Variants in DNAAF9 observed in about 807,000 individuals in gnomAD.
The protein encoded by DNAAF9 is shulin.
In DNAAF9, 90 loss-of-function variants were observed where a neutral mutation model predicts 167.0. That is an observed-to-expected ratio of 0.54 (90% CI 0.45 to 0.64). The LOEUF is 0.64. Among genes scored for constraint, DNAAF9 ranks in the 30% least tolerant of loss-of-function variants. DNAAF9 has a pLI of 0.00. For synonymous variants in DNAAF9, 491 were observed against 508.8 expected, an observed-to-expected ratio of 0.96 and a Z score of 0.47; for missense variants, 1,315 against 1,442.2, an observed-to-expected ratio of 0.91 and a Z score of 1.43.
At chr20:3,265,791 C>A (rs909565171) in intron 30 of DNAAF9, among the ~76,000 whole-genome samples, 2 of 151,128 alleles carry the variant, frequency 1.3e-5, no homozygotes, top group Non-Finnish European at 2.9e-5. Context: ...GATTCTCCTG[C>A]CTCAGCCTCC....
At chr20:3,330,517 CA>C (rs1397486486) in intron 12 of DNAAF9, 128 bp downstream of exon 12, 4 of 641,308 alleles carry the variant, frequency 6.2e-6, no homozygotes, top group Non-Finnish European at 1.1e-5. Context: ...GTTGGGATTA[CA>C]GTGTGCGCCA....
intron 10 of DNAAF9, among the ~76,000 whole-genome samples, chr20:3,339,606 A>G (rs1468193681): frequency 6.6e-6 from 1 of 152,094 alleles, no homozygotes; most frequent in Non-Finnish European, 1.5e-5. Flanking sequence ...TATATTGTAG[A>G]CCTCTGCTAA....
intron 10 of DNAAF9, among the ~76,000 whole-genome samples, chr20:3,337,419 A>G (rs1055651258): frequency 7.1e-6 from 1 of 140,412 alleles, no homozygotes; most frequent in African/African-American, 2.6e-5. Flanking sequence ...ATGTGCCACC[A>G]CGCCCAGGTT....
At position 3,256,107 on chromosome 20, in the gene DNAAF9, A is replaced by G; in HGVS notation, c.3160T>C (p.Ser1054Pro). Residue 1054 changes from serine to proline, a missense_variant, in exon 34 of 37, where the codon TCT (serine) becomes CCT (proline). Physicochemically the swap from Ser to Pro is moderately conservative, Grantham distance 74. Transcript: ENST00000252032. ...TCCTGCTGCCCGCTGCTGTCTTGAG[A>G]TACGCTTTTGGAGTCTGGTGGTGGT... ...PTPPPDSKSV[S>P]QDSSGQQECY... 6.2e-7 allele frequency: 1 copy of G among 1,614,140 alleles called. No individual in the cohort carries two copies. The highest frequency in any genetic ancestry group is 1.1e-5 in the South Asian group (1 of 91,072).
At chr20:3,387,870 G>A (rs2083768151) in intron 1 of DNAAF9, among the ~76,000 whole-genome samples, 1 of 113,646 alleles carries the variant, frequency 8.8e-6, no homozygotes, top group Non-Finnish European at 1.7e-5. Context: ...GGGAGACCCT[G>A]TCTCTACAAA....
Position 3,298,122 on chromosome 20 carries a change from A to G in DNAAF9, c.1836T>C (p.Leu612=). ...CATGGAAATGAACTGGGAGGTGAGG[A>G]AGCAATGAGCTTTTGAAGTCTATGA... is the stretch of plus-strand genomic sequence containing the variant. The part of the protein sequence containing the change: ...ALLIDFKSSL[L]PHLPVHFHGS... The change falls in exon 22 of 37, where the codon CTT becomes CTC. Residue 612 remains leucine, a synonymous_variant. Coordinates refer to ENST00000252032, the MANE Select transcript of DNAAF9 (RefSeq NM_001009984.3). 6.2e-7 allele frequency: 1 copy of G among 1,613,206 alleles called. No homozygotes were observed. The highest frequency in any genetic ancestry group is 8.5e-7 in the Non-Finnish European group (1 of 1,179,148).
rs79044136 is a variant in DNAAF9 at position 3,380,453 on chromosome 20, T to C, written c.283+926A>G. Among the ~76,000 whole-genome samples the C allele has an allele frequency of 9.0e-3, 1,375 of 152,314 alleles. 19 individuals carry two copies. Among genetic ancestry groups the C allele is most frequent in the African/African-American group, 0.032 (1,319 of 41,570 alleles). On this transcript the variant is annotated intron_variant, in intron 3 of 36. Transcript: ENST00000252032. The stretch of plus-strand genomic sequence containing the variant: ...CGGCACTACTGACAGTTTAGATCAG[T>C]GAATTCCTTGTTCTAGGTGACTGTT...
chr20:3,381,260 C>A lies in DNAAF9; in HGVS notation c.283+119G>T, dbSNP rs1600896133. The A allele has an allele frequency of 7.5e-6, 6 of 801,906 alleles. No homozygotes were observed. In the South Asian group the frequency reaches 1.5e-4, roughly 19 times the overall value. 49.7% of individuals were successfully genotyped at this position (801,906 alleles called of 1,614,324 possible). On this transcript the variant is annotated intron_variant, in intron 3 of 36. Coordinates refer to ENST00000252032, the MANE Select transcript of DNAAF9 (RefSeq NM_001009984.3). Reference sequence around the variant, plus strand: ...TTTTTTTCATTCTTTAAAAAGCAAACGTTTACTGGGGCTTTGGACTATTTT... The same window carrying A: ...TTTTTTTCATTCTTTAAAAAGCAAAAGTTTACTGGGGCTTTGGACTATTTT...
At chr20:3,270,706 C>A (rs1292396690) in intron 29 of DNAAF9, 144 bp from the exon 30 acceptor site, 8 of 631,982 alleles carry the variant, frequency 1.3e-5, no homozygotes, top group Non-Finnish European at 2.2e-5. Context: ...CCAATACCAA[C>A]ATAAACAGCT....
In DNAAF9 at chr20:3,259,548, T is replaced by C. The variant is rs1366894870; in HGVS notation, c.2987A>G (p.Gln996Arg). The change falls in exon 33 of 37, where the codon CAG becomes CGG. Residue 996 changes from glutamine to arginine, a missense_variant. Physicochemically the swap from Gln to Arg is conservative, Grantham distance 43 (BLOSUM62 1). This residue lies in a region of DNAAF9 where 334 missense variants were observed against 429.7 expected (regional missense o/e 0.78). Transcript: ENST00000252032. ...TRFVAKCKAI[Q>R]SSIKPSPFSG... is the part of the protein sequence containing the mutation. ...GAAGGGACTTGGCTTGATGGAGGACTGAATTGCTGGTGGAAGAAGAGGACA... is the reference window on the plus strand; with the variant it reads ...GAAGGGACTTGGCTTGATGGAGGACCGAATTGCTGGTGGAAGAAGAGGACA... The C allele has an allele frequency of 6.2e-7, 1 of 1,610,078 alleles. No individual in the cohort carries two copies. Among genetic ancestry groups the C allele is most frequent in the African/African-American group, 1.3e-5 (1 of 74,946 alleles).
intron 3 of DNAAF9, among the ~76,000 whole-genome samples, chr20:3,378,840 G>T (rs960161847): frequency 3.4e-5 from 5 of 147,648 alleles, no homozygotes; most frequent in Non-Finnish European, 7.6e-5. Context: ...AAACTCCATG[G>T]GTCTGACCTT....
chr20:3,381,606 A>G (rs2083655014), intron 2 of DNAAF9, 108 bp from the exon 3 acceptor site: 4 of 1,117,916 alleles, frequency 3.6e-6, no homozygotes, highest in Non-Finnish European at 5.0e-6. Flanking sequence ...TGAAGGACGC[A>G]GCTCAGACCA....
intron 6 of DNAAF9, among the ~76,000 whole-genome samples, chr20:3,372,563 A>T (rs2083524874): frequency 6.6e-6 from 1 of 152,200 alleles, no homozygotes; most frequent in Non-Finnish European, 1.5e-5. Context: ...GTGACTTCAT[A>T]GTGTGATGCA....
At chr20:3,341,739 C>T (rs140224949) in intron 9 of DNAAF9, among the ~76,000 whole-genome samples, 5 of 152,292 alleles carry the variant, frequency 3.3e-5, no homozygotes, top group Admixed American at 1.3e-4. Context: ...CCACTCTTGC[C>T]CTCCTATAAT....
At chr20:3,339,598 T>C (rs1408341277) in intron 10 of DNAAF9, among the ~76,000 whole-genome samples, 1 of 152,196 alleles carries the variant, frequency 6.6e-6, no homozygotes, top group Non-Finnish European at 1.5e-5. Flanking sequence ...CCCCCTATTA[T>C]ATTGTAGACC....
chr20:3,401,984 G>A (rs1472779086), intron 1 of DNAAF9, among the ~76,000 whole-genome samples: 3 of 152,218 alleles, frequency 2.0e-5, no homozygotes, highest in Non-Finnish European at 4.4e-5. Context: ...ACATCCTCCA[G>A]TAGCTTCTTC....
At chr20:3,392,967 G>C (rs1438798490) in intron 1 of DNAAF9, among the ~76,000 whole-genome samples, 1 of 151,954 alleles carries the variant, frequency 6.6e-6, no homozygotes, top group Non-Finnish European at 1.5e-5. Flanking sequence ...ACATAGTTTT[G>C]GTGTTTTTCT....
intron 21 of DNAAF9, among the ~76,000 whole-genome samples, chr20:3,301,388 A>G (rs1453004839): frequency 6.6e-6 from 1 of 151,994 alleles, no homozygotes; most frequent in Non-Finnish European, 1.5e-5. Context: ...GCATTTCACC[A>G]TGCTGGCCAG....
At chr20:3,283,551 G>A (rs1182383283) in intron 27 of DNAAF9, among the ~76,000 whole-genome samples, 2 of 152,232 alleles carry the variant, frequency 1.3e-5, no homozygotes, top group Admixed American at 1.3e-4. Flanking sequence ...TTTCCACTGA[G>A]TGCCTGGCTG....
Sources: allele counts gnomAD v4.1 joint callset (sites outside exome capture counted in the v4.1 genomes callset), GRCh38; gene constraint gnomAD v4.1.1; regional missense constraint gnomAD v4.1.1; transcripts MANE v1.5; gene names NCBI Gene and HGNC (gene_info 2026-07-23, HGNC 2026-07-21).